MACROD2: variants seen among roughly 807,000 people sequenced by gnomAD.
MACROD2 encodes the protein mono-ADP ribosylhydrolase 2, also known as ADP-ribose glycohydrolase MACROD2.
A neutral mutation model predicts 70.4 loss-of-function variants in MACROD2; 36 were observed. That is an observed-to-expected ratio of 0.51 (90% CI 0.39 to 0.68). The LOEUF is 0.68. MACROD2 is among the 30% of genes least tolerant of loss of function. The probability of loss-of-function intolerance (pLI) is 0.00; values close to 1 mark genes in which losing one functional copy is unlikely to be tolerated. For synonymous variants in MACROD2, 172 were observed against 178.8 expected, an observed-to-expected ratio of 0.96 and a Z score of 0.30; for missense variants, 496 against 538.4, an observed-to-expected ratio of 0.92 and a Z score of 0.78.
At chr20:15,363,020 G>A (rs980489577) in intron 6 of MACROD2, among the ~76,000 whole-genome samples, 2 of 151,594 alleles carry the variant, frequency 1.3e-5, no homozygotes, top group Admixed American at 6.6e-5. Flanking sequence ...AGGGAGAAAG[G>A]GAGGAAGGGA....
intron 3 of MACROD2, among the ~76,000 whole-genome samples, chr20:14,321,338 C>A (rs2082658709): frequency 6.8e-6 from 1 of 148,146 alleles, no homozygotes; most frequent in African/African-American, 2.5e-5. Flanking sequence ...GCACTCCAGC[C>A]TGGATAACAG....
chr20:14,869,501 G>C (rs2073464409), intron 5 of MACROD2, among the ~76,000 whole-genome samples: 1 of 152,144 alleles, frequency 6.6e-6, no homozygotes, highest in African/African-American at 2.4e-5. Context: ...TGCTGTGAAA[G>C]GTGATTTTCA....
At chr20:15,628,535 A>C (rs1198107585) in intron 8 of MACROD2, among the ~76,000 whole-genome samples, 2 of 152,250 alleles carry the variant, frequency 1.3e-5, no homozygotes, top group Admixed American at 6.5e-5. Context: ...GCATTGGTAC[A>C]TAATAGACTA....
At chr20:14,724,271 A>G (rs1416927574) in intron 5 of MACROD2, among the ~76,000 whole-genome samples, 1 of 152,130 alleles carries the variant, frequency 6.6e-6, no homozygotes, top group Non-Finnish European at 1.5e-5. Flanking sequence ...TTTGGGTATC[A>G]ATCTCTGCCT....
intron 5 of MACROD2, among the ~76,000 whole-genome samples, chr20:14,966,757 A>G (rs1427243612): frequency 6.6e-6 from 1 of 151,688 alleles, no homozygotes; most frequent in African/African-American, 2.4e-5. Flanking sequence ...GAAGTAATCT[A>G]TGTTGTTGCA....
At chr20:15,630,546 G>A (rs1283189141) in intron 8 of MACROD2, among the ~76,000 whole-genome samples, 1 of 152,144 alleles carries the variant, frequency 6.6e-6, no homozygotes. Flanking sequence ...ATTCTGCCTC[G>A]TACTTAGCAC....
At chr20:15,017,485 C>T (rs1480808839) in intron 5 of MACROD2, among the ~76,000 whole-genome samples, 1 of 152,156 alleles carries the variant, frequency 6.6e-6, no homozygotes, top group Non-Finnish European at 1.5e-5. Context: ...TGCAAGCTGT[C>T]AGTGGATCTG....
intron 2 of MACROD2, among the ~76,000 whole-genome samples, chr20:14,058,885 G>T (rs2053661536): frequency 6.6e-6 from 1 of 151,990 alleles, no homozygotes; most frequent in South Asian, 2.1e-4. Flanking sequence ...CTCATGATCC[G>T]CCCATCTCAG....
intron 5 of MACROD2, among the ~76,000 whole-genome samples, chr20:15,033,834 G>A (rs891227659): frequency 6.6e-6 from 1 of 152,164 alleles, no homozygotes; most frequent in African/African-American, 2.4e-5. Flanking sequence ...TATCCACCAG[G>A]TTTTAAAACA....
At chr20:15,294,714 T>A (rs2077570828) in intron 6 of MACROD2, among the ~76,000 whole-genome samples, 1 of 152,236 alleles carries the variant, frequency 6.6e-6, no homozygotes, top group African/African-American at 2.4e-5. Context: ...GCTGCAGCTA[T>A]GTGCCCAGAT....
At chr20:14,367,900 T>C (rs2083286924) in intron 3 of MACROD2, among the ~76,000 whole-genome samples, 1 of 152,204 alleles carries the variant, frequency 6.6e-6, no homozygotes, top group Non-Finnish European at 1.5e-5. Context: ...TTATGACATA[T>C]ATGTTGGTGT....
intron 12 of MACROD2, among the ~76,000 whole-genome samples, chr20:15,963,079 T>A (rs1452547359): frequency 2.6e-5 from 4 of 152,202 alleles, no homozygotes; most frequent in African/African-American, 9.6e-5. Flanking sequence ...TTGCTCCACA[T>A]AATAAGCCAG....
At chr20:15,468,977 A>T (rs2146430369) in intron 7 of MACROD2, among the ~76,000 whole-genome samples, 1 of 152,336 alleles carries the variant, frequency 6.6e-6, no homozygotes, top group Non-Finnish European at 1.5e-5. Flanking sequence ...GATATTTTTG[A>T]AACACATTTC....
intron 8 of MACROD2, among the ~76,000 whole-genome samples, chr20:15,611,883 G>A (rs1267173684): frequency 6.9e-6 from 1 of 145,786 alleles, no homozygotes; most frequent in Non-Finnish European, 1.5e-5. Context: ...GGGCATCCTA[G>A]ATCAACATGC....
At chr20:14,903,928 T>C (rs1480319502) in intron 5 of MACROD2, among the ~76,000 whole-genome samples, 2 of 152,138 alleles carry the variant, frequency 1.3e-5, no homozygotes, top group African/African-American at 4.8e-5. Context: ...CTTCACATTC[T>C]CTCGCTGAGA....
rs1316411202 is a variant in MACROD2 at position 14,086,718 on chromosome 20, G to GAATGGT, written c.271+993_271+998dup. 2.0e-5 allele frequency among the ~76,000 whole-genome samples: 3 copies of GAATGGT among 152,320 alleles called. No homozygotes were observed. In the East Asian group the frequency reaches 5.8e-4, roughly 29 times the overall value. On this transcript the variant is annotated intron_variant, in intron 3 of 17. Transcript: ENST00000684519. ...GTCGTTTGTGGGCATTGACCAACCAGAATGGTAAATGGGGACAAAGAGTTT... is the reference window on the plus strand; with the variant it reads ...GTCGTTTGTGGGCATTGACCAACCAGAATGGTAATGGTAAATGGGGACAAAGAGTTT...
chr20:15,962,386 A>T (rs1264340090), intron 12 of MACROD2, among the ~76,000 whole-genome samples: 3 of 152,224 alleles, frequency 2.0e-5, no homozygotes, highest in Non-Finnish European at 4.4e-5. Context: ...AAAGTGCCTG[A>T]ATTTCCCTAG....
chr20:15,088,878 G>A (rs1037605640), intron 5 of MACROD2, among the ~76,000 whole-genome samples: 1 of 151,988 alleles, frequency 6.6e-6, no homozygotes, highest in Admixed American at 6.6e-5. Flanking sequence ...GGGTAAAAGA[G>A]AGTAAGCTTT....
At chr20:15,019,513 T>C (rs141436680) in intron 5 of MACROD2, among the ~76,000 whole-genome samples, 1 of 152,310 alleles carries the variant, frequency 6.6e-6, no homozygotes, top group African/African-American at 2.4e-5. Flanking sequence ...TACCAAAGCC[T>C]GGAAAAGTTG....
Sources: gnomAD v4.1 joint callset for allele counts (sites outside exome capture counted in the v4.1 genomes callset) on GRCh38, gnomAD v4.1.1 for gene constraint, MANE v1.5 for transcripts, NCBI Gene and HGNC (gene_info 2026-07-23, HGNC 2026-07-21) for gene names.